The following NR3C1 variants were observed in gnomAD, a reference collection of about 807,000 sequenced individuals.
NR3C1 encodes the protein glucocorticoid receptor.
Under a neutral mutation model 74.0 loss-of-function variants are expected in NR3C1, and 14 were observed. The ratio of observed to expected loss-of-function variants is 0.19; its 90% CI spans 0.12 to 0.30. NR3C1 has a LOEUF of 0.30. Among genes scored for constraint, NR3C1 ranks in the 10% least tolerant of loss-of-function variants. The pLI is 1.00. For missense variants in NR3C1, 695 were observed against 909.8 expected (o/e 0.76, Z 3.04); for synonymous variants, 308 against 332.5 (o/e 0.93, Z 0.80).
intron 2 of NR3C1, among the ~76,000 whole-genome samples, chr5:143,314,736 A>G (rs10482665): frequency 0.13 from 19,770 of 152,212 alleles, 1,486 homozygotes; most frequent in Middle Eastern, 0.29. Context: ...TTTTTTTACA[A>G]TCTTAAAGTT....
intron 2 of NR3C1, among the ~76,000 whole-genome samples, chr5:143,368,870 A>T (rs190297715): frequency 6.6e-6 from 1 of 152,260 alleles, no homozygotes; most frequent in Admixed American, 6.5e-5. Context: ...GCCACAGCTG[A>T]TGAAGAACTT....
intron 2 of NR3C1, among the ~76,000 whole-genome samples, chr5:143,346,074 C>G (rs1400249899): frequency 1.3e-5 from 2 of 152,176 alleles, no homozygotes; most frequent in African/African-American, 4.8e-5. Flanking sequence ...TTATGACTTT[C>G]ATAAACAGCA....
chr5:143,405,495 T>G (rs1224381985), upstream of NR3C1, among the ~76,000 whole-genome samples: 1 of 152,100 alleles, frequency 6.6e-6, no homozygotes, highest in Non-Finnish European at 1.5e-5. Flanking sequence ...CGATCGCGGG[T>G]AGCCTAAGCC....
At position 143,277,944 on chromosome 5, in the gene NR3C1, GATT is replaced by G. The variant is rs1465908554; in HGVS notation, c.*3942_*3944del. ...GTTGGAGTCACATAATGAAAAAGCA[GATT>G]TTTTTATTATGATGTTTCTCCATAT... On this transcript the variant is annotated 3_prime_UTR_variant, in exon 9 of 9. Coordinates refer to ENST00000394464, the MANE Select transcript of NR3C1 (RefSeq NM_000176.3). The G allele has an allele frequency of 1.3e-5, 2 of 152,100 alleles. No homozygotes were observed. Among genetic ancestry groups the G allele is most frequent in the African/African-American group, 4.8e-5 (2 of 41,416 alleles). 9.4% of individuals were successfully genotyped at this position (152,100 alleles called of 1,614,324 possible). A position where few individuals can be genotyped will look rare whatever the true frequency, so the allele number is the denominator to read the frequency against.
At chr5:143,288,118 A>ATTT (rs869233990) in intron 7 of NR3C1, among the ~76,000 whole-genome samples, 50 of 141,328 alleles carry the variant, frequency 3.5e-4, no homozygotes, top group African/African-American at 1.2e-3. Flanking sequence ...AACAACTGGA[A>ATTT]TTTTTTTTTT....
chr5:143,395,960 A>G (rs992243506), intron 2 of NR3C1, among the ~76,000 whole-genome samples: 2 of 151,944 alleles, frequency 1.3e-5, no homozygotes, highest in South Asian at 4.1e-4. Flanking sequence ...ACCTACATTT[A>G]TGCAAGGTAT....
At chr5:143,298,307 A>G (rs758726075) in intron 6 of NR3C1, among the ~76,000 whole-genome samples, 2 of 152,154 alleles carry the variant, frequency 1.3e-5, no homozygotes, top group South Asian at 2.1e-4. Context: ...CTCATCTACA[A>G]TTGTCCCCAC....
Position 143,403,279 on chromosome 5 carries a change from C to G in NR3C1, c.-82G>C. 3.0e-6 allele frequency: 3 copies of G among 985,546 alleles called. No individual in the cohort carries two copies. The highest frequency in any genetic ancestry group is 3.6e-6 in the Non-Finnish European group (3 of 830,066). The allele number at this position is 985,546 out of a possible 1,614,324, so 61.1% of individuals were successfully genotyped here. A position where few individuals can be genotyped will look rare whatever the true frequency, so the allele number is the denominator to read the frequency against. ...GCCGCAGCCGAGATAAACAACTTAG[C>G]TTGTGAACGCAGAAGGAGCAGGAGG... On this transcript the variant is annotated 5_prime_UTR_variant, in exon 1 of 9. Coordinates refer to ENST00000394464, the MANE Select transcript of NR3C1 (RefSeq NM_000176.3).
At chr5:143,403,909 G>A (rs1600649465), upstream of NR3C1, 2 of 982,430 alleles carry the variant, frequency 2.0e-6, no homozygotes, top group Non-Finnish European at 2.4e-6. Flanking sequence ...TGGCCGCCCC[G>A]CCCGGTGCGC....
intron 2 of NR3C1, among the ~76,000 whole-genome samples, chr5:143,355,081 C>T (rs1170914748): frequency 1.3e-5 from 2 of 151,854 alleles, no homozygotes; most frequent in East Asian, 3.9e-4. Context: ...CTGACAGACT[C>T]GCTTAATATA....
chr5:143,406,809 A>G (rs887656748), upstream of NR3C1: 2 of 152,264 alleles, frequency 1.3e-5, no homozygotes, highest in Admixed American at 6.5e-5. Context: ...TAGTATATCA[A>G]TTCTGATAGA....
At chr5:143,374,504 A>C (rs377209208) in intron 2 of NR3C1, among the ~76,000 whole-genome samples, 4 of 151,760 alleles carry the variant, frequency 2.6e-5, no homozygotes, top group Admixed American at 2.0e-4. Flanking sequence ...AAAAAAAAAA[A>C]CATAGTGAGT....
intron 2 of NR3C1, among the ~76,000 whole-genome samples, chr5:143,343,521 C>A (rs191362276): frequency 6.6e-6 from 1 of 152,270 alleles, no homozygotes; most frequent in East Asian, 1.9e-4. Flanking sequence ...ATTATATAGA[C>A]AAAGAAAAAT....
rs116905056 is a variant in NR3C1, at chr5:143,363,040, G to A, written c.1184+36616C>T. The stretch of plus-strand genomic sequence containing the variant: ...TGACCTTAATGCTCTGCAGAAGCTG[G>A]TAGTAAAGGCTAAGGCAGGGTTGTA... On this transcript the variant is annotated intron_variant, in intron 2 of 8. Coordinates refer to ENST00000394464, the MANE Select transcript of NR3C1 (RefSeq NM_000176.3). Among the ~76,000 whole-genome samples the A allele has an allele frequency of 1.0e-3, 155 of 152,278 alleles. 3 individuals are homozygous for A. In the East Asian group the frequency reaches 0.022, roughly 22 times the overall value.
At chr5:143,325,501 T>C (rs1293001660) in intron 2 of NR3C1, among the ~76,000 whole-genome samples, 1 of 152,230 alleles carries the variant, frequency 6.6e-6, no homozygotes, top group East Asian at 1.9e-4. Context: ...CTATCTCTGT[T>C]ACCAGTTGGA....
intron 1 of NR3C1, among the ~76,000 whole-genome samples, chr5:143,426,718 C>T (rs1352058935): frequency 2.6e-5 from 4 of 152,174 alleles, no homozygotes; most frequent in African/African-American, 9.6e-5. Flanking sequence ...CGTTACGGTA[C>T]AAAAATTAGT....
chr5:143,298,949 G>A (rs72481844), intron 5 of NR3C1, 137 bp from the exon 6 acceptor site: 37 of 727,678 alleles, frequency 5.1e-5, no homozygotes, highest in African/African-American at 3.9e-4. Flanking sequence ...TTAAATACTA[G>A]GTAGACACAG....
At chr5:143,348,237 A>C (rs1298710264) in intron 2 of NR3C1, among the ~76,000 whole-genome samples, 1 of 152,224 alleles carries the variant, frequency 6.6e-6, no homozygotes, top group East Asian at 1.9e-4. Context: ...AACTACTGAA[A>C]ATGCCCAATG....
intron 2 of NR3C1, among the ~76,000 whole-genome samples, chr5:143,341,226 C>A (rs1828161159): frequency 6.6e-6 from 1 of 152,118 alleles, no homozygotes; most frequent in Admixed American, 6.5e-5. Context: ...GAAAACAAAC[C>A]AATTTAAAGG....
Sources: gnomAD v4.1 joint callset for allele counts (sites outside exome capture counted in the v4.1 genomes callset) on GRCh38, gnomAD v4.1.1 for gene constraint, MANE v1.5 for transcripts, NCBI Gene and HGNC (gene_info 2026-07-23, HGNC 2026-07-21) for gene names.